Variants in SCHIP1 observed in about 807,000 individuals in gnomAD.
SCHIP1 encodes schwannomin interacting protein 1.
A neutral mutation model predicts 29.7 loss-of-function variants in SCHIP1; 8 were observed. The ratio of observed to expected loss-of-function variants is 0.27; its 90% CI spans 0.16 to 0.49. The LOEUF is 0.49. SCHIP1 is among the 20% of genes least tolerant of loss of function. The pLI, the probability that SCHIP1 is intolerant of heterozygous loss-of-function variation, is 0.99. For synonymous variants in SCHIP1, 76 were observed against 94.9 expected, an observed-to-expected ratio of 0.80 and a Z score of 1.16; for missense variants, 193 against 294.6, an observed-to-expected ratio of 0.66 and a Z score of 2.52.
At chr3:159,372,102 G>T in the SCHIP1 span, among the ~76,000 whole-genome samples, 1 of 152,110 alleles carries the variant, frequency 6.6e-6, no homozygotes, top group Non-Finnish European at 1.5e-5. Context: ...AAGAATATAT[G>T]TCAATGAACA....
the SCHIP1 span, chr3:159,764,716 C>G: frequency 6.3e-7 from 1 of 1,575,318 alleles, no homozygotes; most frequent in Admixed American, 1.8e-5. This position sits in a 1 kb window ranked among gnomAD's most constrained non-coding sequence, Gnocchi z 6.1. Context: ...GCGAGGGTAC[C>G]GGGATGACCG....
At chr3:159,515,198 TA>T in the SCHIP1 span, among the ~76,000 whole-genome samples, 275 of 143,276 alleles carry the variant, frequency 1.9e-3, 2 homozygotes, top group South Asian at 0.02. Flanking sequence ...AAGTGGTTAT[TA>T]AAAAAAAAAA....
the SCHIP1 span, among the ~76,000 whole-genome samples, chr3:159,324,750 G>A: frequency 6.6e-6 from 1 of 152,070 alleles, no homozygotes; most frequent in East Asian, 1.9e-4. Context: ...ATAATAGAGG[G>A]ACTAAAGGTA....
chr3:159,691,390 A>G, the SCHIP1 span, among the ~76,000 whole-genome samples: 2 of 137,444 alleles, frequency 1.5e-5, no homozygotes, highest in South Asian at 2.4e-4. Context: ...AGTCCATTTT[A>G]TCAGAGACTA....
chr3:159,739,321 T>G, the SCHIP1 span, among the ~76,000 whole-genome samples: 1 of 152,196 alleles, frequency 6.6e-6, no homozygotes, highest in African/African-American at 2.4e-5. Context: ...CTCTCAAAGA[T>G]CACTTTGGCT....
At chr3:159,763,037 T>C in the SCHIP1 span, among the ~76,000 whole-genome samples, 2 of 152,084 alleles carry the variant, frequency 1.3e-5, no homozygotes, top group Non-Finnish European at 2.9e-5. Context: ...TTCTCGCACT[T>C]ACCCTCCATT....
chr3:159,767,710 C>A, the SCHIP1 span, among the ~76,000 whole-genome samples: 1 of 152,158 alleles, frequency 6.6e-6, no homozygotes, highest in Non-Finnish European at 1.5e-5. Flanking sequence ...GGTTCCTTCT[C>A]ATCATTCCAG....
At chr3:159,320,368 C>G in the SCHIP1 span, among the ~76,000 whole-genome samples, 70 of 152,174 alleles carry the variant, frequency 4.6e-4, no homozygotes, top group Non-Finnish European at 9.0e-4. Flanking sequence ...TCACCAGAAC[C>G]TGACCATGGA....
chr3:159,753,725 G>A, the SCHIP1 span, among the ~76,000 whole-genome samples: 1 of 152,282 alleles, frequency 6.6e-6, no homozygotes, highest in South Asian at 2.1e-4. Flanking sequence ...CAATCCTTGA[G>A]TGGCTGTTAG....
the SCHIP1 span, among the ~76,000 whole-genome samples, chr3:159,658,752 A>G: frequency 6.6e-6 from 1 of 152,168 alleles, no homozygotes; most frequent in African/African-American, 2.4e-5. Context: ...CCAACTCTCT[A>G]TTCAACACCT....
intron 1 of SCHIP1, among the ~76,000 whole-genome samples, chr3:159,851,068 G>T (rs755435065): frequency 1.3e-5 from 2 of 152,204 alleles, no homozygotes; most frequent in Non-Finnish European, 2.9e-5. Context: ...GAGCCCAGGA[G>T]CTCAAGACCA....
the SCHIP1 span, among the ~76,000 whole-genome samples, chr3:159,688,813 T>A: frequency 2.6e-5 from 4 of 152,240 alleles, no homozygotes; most frequent in African/African-American, 9.6e-5. Context: ...GTTTTCTGCA[T>A]ATGGCTAGCC....
chr3:159,439,097 A>T, the SCHIP1 span, among the ~76,000 whole-genome samples: 1 of 151,776 alleles, frequency 6.6e-6, no homozygotes, highest in Non-Finnish European at 1.5e-5. Context: ...ACTAATTTAC[A>T]CTCCCACCAA....
chr3:159,683,721 T>C, the SCHIP1 span, among the ~76,000 whole-genome samples: 1 of 152,202 alleles, frequency 6.6e-6, no homozygotes, highest in African/African-American at 2.4e-5. Context: ...GCTACTATTG[T>C]GGGAGACAGG....
chr3:159,302,779 G>C, the SCHIP1 span, among the ~76,000 whole-genome samples: 5 of 152,286 alleles, frequency 3.3e-5, no homozygotes, highest in South Asian at 1.0e-3. Context: ...ATCCCAGTTT[G>C]CTTGGAGCTG....
the SCHIP1 span, among the ~76,000 whole-genome samples, chr3:159,830,596 C>A: frequency 1.3e-5 from 2 of 152,046 alleles, no homozygotes; most frequent in South Asian, 2.1e-4. Flanking sequence ...AAAATTATAA[C>A]CTGTCTCATT....
At chr3:159,714,425 C>A in the SCHIP1 span, among the ~76,000 whole-genome samples, 2 of 152,174 alleles carry the variant, frequency 1.3e-5, no homozygotes, top group Admixed American at 6.5e-5. Flanking sequence ...GGACCGTAAG[C>A]CGAAGCAGGG....
the SCHIP1 span, among the ~76,000 whole-genome samples, chr3:159,415,465 G>A: frequency 6.6e-6 from 1 of 152,202 alleles, no homozygotes; most frequent in African/African-American, 2.4e-5. Context: ...CTACCCTCAA[G>A]TACACCCTGG....
the SCHIP1 span, among the ~76,000 whole-genome samples, chr3:159,544,438 G>A: frequency 6.6e-6 from 1 of 151,982 alleles, no homozygotes; most frequent in Non-Finnish European, 1.5e-5. Context: ...AGTAGATAAA[G>A]CCAGTTTTCC....
Sources: allele counts gnomAD v4.1 joint callset (sites outside exome capture counted in the v4.1 genomes callset), GRCh38; gene constraint gnomAD v4.1.1; non-coding constraint Gnocchi (gnomAD v3.1); transcripts MANE v1.5; gene names NCBI Gene and HGNC (gene_info 2026-07-23, HGNC 2026-07-21).